Variants in NEK10 observed in about 807,000 individuals in gnomAD.
The protein encoded by NEK10 is serine/threonine-protein kinase Nek10.
In NEK10, 122 loss-of-function variants were observed where a neutral mutation model predicts 159.8. That is an observed-to-expected ratio of 0.76 (90% CI 0.66 to 0.89). NEK10 has a LOEUF of 0.89. Ranked by LOEUF, NEK10 falls within the 40% of genes least tolerant of loss-of-function variation. The pLI, the probability that NEK10 is intolerant of heterozygous loss-of-function variation, is 0.00. For synonymous variants in NEK10, 466 were observed against 457.1 expected (o/e 1.02, Z -0.25); for missense variants, 1,342 against 1,323.1 (o/e 1.01, Z -0.22).
intron 23 of NEK10, among the ~76,000 whole-genome samples, chr3:27,244,848 C>T (rs1241371407): frequency 1.3e-5 from 2 of 152,102 alleles, no homozygotes; most frequent in Non-Finnish European, 2.9e-5. Context: ...ATGCCTTGCT[C>T]CCTCACCTGC....
chr3:27,156,939 T>C (rs1355594108), intron 30 of NEK10, among the ~76,000 whole-genome samples: 5 of 61,402 alleles, frequency 8.1e-5, no homozygotes, highest in African/African-American at 3.4e-4. Flanking sequence ...GATATATATA[T>C]ATATATATAT....
At position 27,352,454 on chromosome 3, in the gene NEK10, G is replaced by T. The variant is rs188881048; in HGVS notation, c.132+11C>A. 7.5e-6 allele frequency: 12 copies of T among 1,597,312 alleles called. No homozygotes were observed. In the East Asian group the frequency reaches 2.7e-4, roughly 36 times the overall value. ...TTTTATTACCAAGTGAACATTCTTT[G>T]AAAACGCTACCTGTTGTTTGCTTGA... On this transcript the variant is annotated intron_variant, in intron 3 of 35. Transcript: ENST00000691995.
intron 35 of NEK10, among the ~76,000 whole-genome samples, chr3:27,111,822 CAAT>C (rs1575332503): frequency 1.3e-5 from 2 of 152,110 alleles, no homozygotes; most frequent in Admixed American, 6.6e-5. Context: ...TCACAAACAA[CAAT>C]GATAAAATTA....
chr3:27,247,571 T>C (rs1340021714), intron 23 of NEK10, among the ~76,000 whole-genome samples: 1 of 152,072 alleles, frequency 6.6e-6, no homozygotes, highest in Non-Finnish European at 1.5e-5. Context: ...ACAGAGTCTC[T>C]GTCACCCAAA....
chr3:27,123,504 T>C (rs1941566426), intron 32 of NEK10, among the ~76,000 whole-genome samples: 1 of 152,196 alleles, frequency 6.6e-6, no homozygotes, highest in African/African-American at 2.4e-5. Flanking sequence ...GGAAAACAAG[T>C]TCCATTCATT....
chr3:27,331,130 G>A (rs1357108926), intron 5 of NEK10, among the ~76,000 whole-genome samples: 6 of 151,422 alleles, frequency 4.0e-5, no homozygotes, highest in East Asian at 1.9e-4. Context: ...CCAGCTACTC[G>A]GGAGGCCGAG....
At chr3:27,185,271 T>A (rs1043713371) in intron 26 of NEK10, among the ~76,000 whole-genome samples, 2 of 152,238 alleles carry the variant, frequency 1.3e-5, no homozygotes, top group African/African-American at 4.8e-5. Context: ...GGAATCTTTT[T>A]TTAGATTCAC....
chr3:27,287,849 AT>A, intron 19 of NEK10, 106 bp from the exon 20 acceptor site: 1 of 1,171,596 alleles, frequency 8.5e-7, no homozygotes, highest in Non-Finnish European at 1.1e-6. Flanking sequence ...AAGAAATTAT[AT>A]TTATTTACAA....
chr3:27,169,930 A>G (rs2148856821), intron 29 of NEK10, among the ~76,000 whole-genome samples: 1 of 152,302 alleles, frequency 6.6e-6, no homozygotes, highest in East Asian at 1.9e-4. Flanking sequence ...AGGTGACATG[A>G]GAATGGAATA....
At chr3:27,158,786 C>T (rs1012666522) in intron 30 of NEK10, among the ~76,000 whole-genome samples, 2 of 151,988 alleles carry the variant, frequency 1.3e-5, no homozygotes, top group African/African-American at 4.8e-5. Context: ...ACTTACACAC[C>T]CAAAAATTTA....
intron 6 of NEK10, among the ~76,000 whole-genome samples, chr3:27,320,978 G>C (rs931122490): frequency 3.9e-5 from 6 of 152,118 alleles, no homozygotes; most frequent in African/African-American, 1.4e-4. Flanking sequence ...AAATAAGATA[G>C]CTCCCACTGG....
intron 1 of NEK10, among the ~76,000 whole-genome samples, chr3:27,360,622 C>T (rs1391012821): frequency 1.3e-5 from 2 of 152,300 alleles, no homozygotes; most frequent in Non-Finnish European, 2.9e-5. Context: ...GATATTGGCC[C>T]TTAGCCAAGG....
intron 23 of NEK10, among the ~76,000 whole-genome samples, chr3:27,246,675 A>C (rs1366784555): frequency 6.6e-6 from 1 of 151,862 alleles, no homozygotes; most frequent in African/African-American, 2.4e-5. Flanking sequence ...CCCATTAATC[A>C]CCCCAATCCC....
chr3:27,351,688 C>G (rs1191166621), intron 3 of NEK10, among the ~76,000 whole-genome samples: 1 of 151,968 alleles, frequency 6.6e-6, no homozygotes, highest in East Asian at 1.9e-4. Context: ...GCTGGATTAC[C>G]AAACACCAGA....
At chr3:27,207,756 A>C (rs1950647889) in intron 23 of NEK10, among the ~76,000 whole-genome samples, 1 of 152,142 alleles carries the variant, frequency 6.6e-6, no homozygotes, top group Non-Finnish European at 1.5e-5. Context: ...TTAAATACAA[A>C]GGAGAAAGAG....
intron 25 of NEK10, among the ~76,000 whole-genome samples, chr3:27,198,977 GC>G (rs1949796603): frequency 6.6e-6 from 1 of 151,322 alleles, no homozygotes; most frequent in Non-Finnish European, 1.5e-5. Context: ...GGAGGCTGAG[GC>G]AGGAGAATCG....
At chr3:27,358,333 T>A (rs971316325) in intron 1 of NEK10, among the ~76,000 whole-genome samples, 1 of 152,216 alleles carries the variant, frequency 6.6e-6, no homozygotes, top group Non-Finnish European at 1.5e-5. Context: ...CCATCTCAGA[T>A]GGGAGAGAAG....
At chr3:27,252,195 C>T in intron 23 of NEK10, 1 of 503,314 alleles carries the variant, frequency 2.0e-6, no homozygotes. Context: ...TAAGCCAATT[C>T]AAGTACAACA....
chr3:27,121,404 C>A (rs1229890658), intron 32 of NEK10, among the ~76,000 whole-genome samples: 2 of 152,150 alleles, frequency 1.3e-5, no homozygotes, highest in Admixed American at 6.5e-5. Context: ...CAAATCTCAT[C>A]TTGAATTGTA....
Sources: gnomAD v4.1 joint callset for allele counts (sites outside exome capture counted in the v4.1 genomes callset) on GRCh38, gnomAD v4.1.1 for gene constraint, MANE v1.5 for transcripts, NCBI Gene and HGNC (gene_info 2026-07-23, HGNC 2026-07-21) for gene names.